PAWR: variants seen among roughly 807,000 people sequenced by gnomAD.
PAWR encodes the protein pro-apoptotic WT1 regulator.
A neutral mutation model predicts 32.0 loss-of-function variants in PAWR; 23 were observed. The ratio of observed to expected loss-of-function variants is 0.72; its 90% confidence interval spans 0.52 to 1.02. PAWR has a LOEUF of 1.02. PAWR is among the 50% of genes least tolerant of loss of function. The probability of loss-of-function intolerance (pLI) is 0.00; values close to 1 mark genes in which losing one functional copy is unlikely to be tolerated. For synonymous variants in PAWR, 226 were observed against 187.1 expected, an observed-to-expected ratio of 1.21 and a Z score of -1.70; for missense variants, 457 against 437.7, an observed-to-expected ratio of 1.04 and a Z score of -0.39.
At chr12:79,641,845 C>CAAAAA (rs35377529) in intron 2 of PAWR, among the ~76,000 whole-genome samples, 3 of 57,690 alleles carry the variant, frequency 5.2e-5, no homozygotes, top group Non-Finnish European at 9.1e-5. Flanking sequence ...GACTCCGTCT[C>CAAAAA]AAAAAAAAAA....
chr12:79,593,112 T>C (rs745556898), intron 6 of PAWR, among the ~76,000 whole-genome samples: 42 of 152,060 alleles, frequency 2.8e-4, no homozygotes, highest in Middle Eastern at 6.8e-3. Flanking sequence ...AAATTAGTCA[T>C]CAAAAGGTGC....
chr12:79,681,694 CCTTT>C (rs1878456784), intron 2 of PAWR, among the ~76,000 whole-genome samples: 1 of 151,980 alleles, frequency 6.6e-6, no homozygotes, highest in Non-Finnish European at 1.5e-5. Context: ...GAACACACTG[CCTTT>C]TTTTTAACAC....
intron 2 of PAWR, among the ~76,000 whole-genome samples, chr12:79,661,969 T>TA (rs911970251): frequency 3.3e-5 from 5 of 151,912 alleles, no homozygotes; most frequent in African/African-American, 7.3e-5. Context: ...TAATAAATGA[T>TA]AAAAAAAGAT....
intron 4 of PAWR, chr12:79,603,775 A>C (rs1874058126): frequency 6.7e-6 from 1 of 150,030 alleles, no homozygotes; most frequent in South Asian, 2.1e-4. Flanking sequence ...CCTGCAGTCA[A>C]GTGATTCTCC....
intron 2 of PAWR, among the ~76,000 whole-genome samples, chr12:79,639,201 C>G (rs1876161308): frequency 6.6e-6 from 1 of 151,610 alleles, no homozygotes; most frequent in East Asian, 1.9e-4. Context: ...CAGGCGTGAG[C>G]CACCTCACCC....
rs1345582052 is a variant in PAWR at position 79,587,518 on chromosome 12, C to T, written c.*5089G>A. ...AAATTATTCATGTAGTTTTAAAACACAATTAAAATTTTCAGTCAGGCTGAA... is the reference window on the plus strand; with the variant it reads ...AAATTATTCATGTAGTTTTAAAACATAATTAAAATTTTCAGTCAGGCTGAA... On this transcript the variant is annotated 3_prime_UTR_variant, in exon 7 of 7. Coordinates refer to ENST00000328827, the MANE Select transcript of PAWR (RefSeq NM_002583.4). 6.6e-6 allele frequency: 1 copy of T among 151,962 alleles called. No individual in the cohort carries two copies. Among genetic ancestry groups the T allele is most frequent in the Non-Finnish European group, 1.5e-5 (1 of 67,872 alleles). 9.4% of individuals were successfully genotyped at this position (151,962 alleles called of 1,614,324 possible).
chr12:79,646,601 A>G (rs1388059206), intron 2 of PAWR, among the ~76,000 whole-genome samples: 5 of 152,220 alleles, frequency 3.3e-5, no homozygotes, highest in Admixed American at 2.0e-4. Context: ...CCAAAAACCC[A>G]TATCTCACTA....
chr12:79,594,561 A>C (rs940475507), intron 5 of PAWR, 128 bp from the exon 6 acceptor site: 1 of 581,852 alleles, frequency 1.7e-6, no homozygotes, highest in Admixed American at 3.7e-5. Context: ...GAATCCCTTA[A>C]GACATTTGGT....
In PAWR at chr12:79,592,696, T is replaced by C. The variant is rs765878275; in HGVS notation, c.937-3A>G. 8 of 720,910 alleles carry C rather than the reference T, an allele frequency of 1.1e-5. No individual in the cohort carries two copies. The East Asian group carries it at 2.0e-4, about 18-fold the overall frequency. 44.7% of individuals were successfully genotyped at this position (720,910 alleles called of 1,614,324 possible). On this transcript the variant is annotated splice_region_variant and splice_polypyrimidine_tract_variant and intron_variant, in intron 6 of 6. Transcript: ENST00000328827. ...TCATCTTCTATGTCATCTAGGTCCT[T>C]AAGAAAAAAAAAAGACACTTTAAAA...
intron 2 of PAWR, among the ~76,000 whole-genome samples, chr12:79,629,149 C>A (rs909393611): frequency 6.6e-6 from 1 of 151,888 alleles, no homozygotes; most frequent in African/African-American, 2.4e-5. Flanking sequence ...AGATTTAAAC[C>A]AAACCACTTC....
At chr12:79,615,581 T>C (rs1874689384) in intron 3 of PAWR, among the ~76,000 whole-genome samples, 1 of 152,172 alleles carries the variant, frequency 6.6e-6, no homozygotes, top group Non-Finnish European at 1.5e-5. Context: ...GCAAGCAAAC[T>C]TTAAAGAGTT....
At chr12:79,594,700 CGTGTGT>C (rs34121968) in intron 5 of PAWR, among the ~76,000 whole-genome samples, 31 of 148,580 alleles carry the variant, frequency 2.1e-4, no homozygotes, top group Admixed American at 7.4e-4. Context: ...GATTTAACCT[CGTGTGT>C]GTGTGTGTGT....
At chr12:79,616,133 T>G (rs1293784243) in intron 3 of PAWR, among the ~76,000 whole-genome samples, 1 of 152,074 alleles carries the variant, frequency 6.6e-6, no homozygotes, top group African/African-American at 2.4e-5. Context: ...ACAAAGAGCT[T>G]CTTTTATTAA....
chr12:79,672,173 T>TC (rs1877936401), intron 2 of PAWR, among the ~76,000 whole-genome samples: 1 of 152,074 alleles, frequency 6.6e-6, no homozygotes, highest in Non-Finnish European at 1.5e-5. Flanking sequence ...GCCCTCTCCT[T>TC]CCCGTACACA....
At chr12:79,649,393 C>T (rs1480858113) in intron 2 of PAWR, among the ~76,000 whole-genome samples, 1 of 151,870 alleles carries the variant, frequency 6.6e-6, no homozygotes, top group African/African-American at 2.4e-5. Flanking sequence ...GATACAAAAA[C>T]ATATATGTCA....
intron 2 of PAWR, among the ~76,000 whole-genome samples, chr12:79,670,082 G>A (rs1877816052): frequency 6.6e-6 from 1 of 152,094 alleles, no homozygotes; most frequent in Non-Finnish European, 1.5e-5. Context: ...CTAAAAATAG[G>A]TGGATGTTTG....
At chr12:79,637,672 A>G (rs1473283383) in intron 2 of PAWR, among the ~76,000 whole-genome samples, 1 of 152,182 alleles carries the variant, frequency 6.6e-6, no homozygotes, top group Non-Finnish European at 1.5e-5. Flanking sequence ...AATCTATGTT[A>G]TAATGAACAT....
chr12:79,601,240 A>C (rs1278526659), intron 4 of PAWR, among the ~76,000 whole-genome samples: 1 of 138,130 alleles, frequency 7.2e-6, no homozygotes, highest in African/African-American at 2.8e-5. Flanking sequence ...TTTTTAAGAG[A>C]CAGGTTCTCA....
At chr12:79,596,403 T>C in intron 5 of PAWR, 108 bp downstream of exon 5, 1 of 599,414 alleles carries the variant, frequency 1.7e-6, no homozygotes, top group Non-Finnish European at 2.8e-6. Flanking sequence ...AAAGCGCACA[T>C]ATTAAATATT....
Sources: gnomAD v4.1 joint callset for allele counts (sites outside exome capture counted in the v4.1 genomes callset) on GRCh38, gnomAD v4.1.1 for gene constraint, MANE v1.5 for transcripts, NCBI Gene and HGNC (gene_info 2026-07-23, HGNC 2026-07-21) for gene names.